Variants in KCNN2 observed in about 807,000 individuals in gnomAD.
KCNN2 encodes the protein small conductance calcium-activated potassium channel protein 2.
A neutral mutation model predicts 55.5 loss-of-function variants in KCNN2; 24 were observed. The observed-to-expected ratio is 0.43, with a 90% CI of 0.31 to 0.61. The LOEUF (loss-of-function observed/expected upper bound fraction) is 0.61, where lower values mean the gene tolerates loss of function less well. Among genes scored for constraint, KCNN2 ranks in the 20% least tolerant of loss-of-function variants. The probability of loss-of-function intolerance (pLI) is 0.08; values close to 1 mark genes in which losing one functional copy is unlikely to be tolerated. For missense variants in KCNN2, 754 were observed against 853.6 expected (o/e 0.88, Z 1.45); for synonymous variants, 431 against 336.1 (o/e 1.28, Z -3.09).
chr5:114,091,361 A>G (rs1375520126), intron 1 of KCNN2, among the ~76,000 whole-genome samples: 1 of 152,182 alleles, frequency 6.6e-6, no homozygotes, highest in Non-Finnish European at 1.5e-5. Context: ...GGGTTCTGTT[A>G]CTAGATATAT....
At chr5:114,263,756 G>A (rs890593738) in intron 2 of KCNN2, among the ~76,000 whole-genome samples, 5 of 152,000 alleles carry the variant, frequency 3.3e-5, no homozygotes, top group Admixed American at 1.3e-4. Flanking sequence ...TTAAGTGATC[G>A]AATACTAAAA....
At chr5:114,391,154 T>G (rs765831008) in intron 2 of KCNN2, among the ~76,000 whole-genome samples, 1 of 152,124 alleles carries the variant, frequency 6.6e-6, no homozygotes, top group Non-Finnish European at 1.5e-5. Context: ...TCTAGAGCTT[T>G]TCCCAATACT....
chr5:114,258,430 C>T (rs1027433426), intron 2 of KCNN2, among the ~76,000 whole-genome samples: 5 of 152,098 alleles, frequency 3.3e-5, no homozygotes, highest in Admixed American at 6.5e-5. Context: ...ACCAGTTCTT[C>T]GTATGTCTGG....
chr5:114,322,132 C>CA (rs1756626400), intron 2 of KCNN2, among the ~76,000 whole-genome samples: 1 of 152,290 alleles, frequency 6.6e-6, no homozygotes, highest in South Asian at 2.1e-4. Flanking sequence ...AACATGAAGA[C>CA]ACCAGTTTAA....
intron 3 of KCNN2, among the ~76,000 whole-genome samples, chr5:114,427,187 C>T (rs1759655342): frequency 6.6e-6 from 1 of 152,216 alleles, no homozygotes; most frequent in Non-Finnish European, 1.5e-5. Flanking sequence ...TGGGACTTCC[C>T]TGACTTCTAG....
chr5:114,268,953 C>A (rs1413000709), intron 2 of KCNN2, among the ~76,000 whole-genome samples: 1 of 151,530 alleles, frequency 6.6e-6, no homozygotes, highest in African/African-American at 2.4e-5. Context: ...TGGGGGGGTT[C>A]TCTGAGGATC....
chr5:114,078,342 C>T lies in KCNN2; in HGVS notation c.-271+21842C>T, dbSNP rs191423705. Among the ~76,000 whole-genome samples the T allele has an allele frequency of 1.1e-4, 16 of 152,306 alleles. No homozygotes were observed. In the East Asian group the frequency reaches 3.1e-3, roughly 29 times the overall value. On this transcript the variant is annotated intron_variant, in intron 1 of 10. Coordinates refer to the KCNN2 transcript ENST00000512097. Reference sequence around the variant, plus strand: ...GAGAGGCTGTCTCATTCTTGTCCTGCTGACACATAAACTAGGGAGCTTTGT... The same window carrying T: ...GAGAGGCTGTCTCATTCTTGTCCTGTTGACACATAAACTAGGGAGCTTTGT...
upstream of KCNN2, among the ~76,000 whole-genome samples, chr5:114,360,687 A>C (rs972897751): frequency 2.6e-5 from 4 of 152,304 alleles, no homozygotes; most frequent in South Asian, 8.3e-4. Flanking sequence ...TGAGACACCA[A>C]ATGCAATTTT....
chr5:114,360,665 A>G (rs1488881928), upstream of KCNN2, among the ~76,000 whole-genome samples: 1 of 152,236 alleles, frequency 6.6e-6, no homozygotes, highest in Non-Finnish European at 1.5e-5. Context: ...AGAAGACAGC[A>G]CAGGGAATTT....
intron 1 of KCNN2, among the ~76,000 whole-genome samples, chr5:114,079,844 TGAGAGAGAGA>T (rs370135875): frequency 6.7e-6 from 1 of 149,446 alleles, no homozygotes; most frequent in African/African-American, 2.5e-5. Flanking sequence ...TGTGTGTGTG[TGAGAGAGAGA>T]GAGAGAGAGA....
At chr5:114,468,416 T>C (rs1761555613) in intron 4 of KCNN2, among the ~76,000 whole-genome samples, 1 of 152,184 alleles carries the variant, frequency 6.6e-6, no homozygotes, top group Non-Finnish European at 1.5e-5. Flanking sequence ...TGTTCAAGTA[T>C]TTGTTTTACC....
rs74356996 is a variant in KCNN2 at position 114,305,514 on chromosome 5, C to G, written c.-184-55431C>G. 1.2e-4 allele frequency among the ~76,000 whole-genome samples: 19 copies of G among 152,300 alleles called. No homozygotes were observed. The East Asian group carries it at 3.3e-3, about 26-fold the overall frequency. On this transcript the variant is annotated intron_variant, in intron 2 of 10. Coordinates refer to the KCNN2 transcript ENST00000512097. ...GGAGTCAGGGCATCAGGAGCTTGCT[C>G]ACCTTCAGGGTAGCACAGAGCCTGA...
chr5:114,307,563 A>G (rs898129476), intron 2 of KCNN2, among the ~76,000 whole-genome samples: 1 of 152,204 alleles, frequency 6.6e-6, no homozygotes, highest in Non-Finnish European at 1.5e-5. Flanking sequence ...CTCTTATAGT[A>G]AACTGTGTCC....
chr5:114,449,908 A>ACACACGCGCGCGCG (rs1309590184), intron 3 of KCNN2, among the ~76,000 whole-genome samples: 8 of 66,120 alleles, frequency 1.2e-4, no homozygotes, highest in African/African-American at 2.4e-4. Flanking sequence ...ACACACACAC[A>ACACACGCGCGCGCG]CGCGCGCGCT....
At position 114,386,393 on chromosome 5, in the gene KCNN2, A is replaced by C. The variant is rs542167641; in HGVS notation, c.1219-18045A>C. 7.7e-4 allele frequency among the ~76,000 whole-genome samples: 110 copies of C among 143,602 alleles called. 1 individual carries two copies. Among genetic ancestry groups the C allele is most frequent in the African/African-American group, 2.5e-3 (83 of 33,620 alleles). 94.2% of individuals were successfully genotyped at this position (143,602 alleles called of 152,430 possible). ...AGGGGCTGGTATATGATATAAGCAG[A>C]AAAAACAATTGTTCAATTAAATTTG... On this transcript the variant is annotated intron_variant, in intron 2 of 7. Transcript: ENST00000673685.
intron 1 of KCNN2, among the ~76,000 whole-genome samples, chr5:114,099,429 A>G (rs943450998): frequency 6.6e-6 from 1 of 152,146 alleles, no homozygotes. Context: ...AGTCCTAGCA[A>G]CTACATTGAG....
intron 2 of KCNN2, among the ~76,000 whole-genome samples, chr5:114,323,238 G>A (rs1243005531): frequency 1.3e-5 from 2 of 152,214 alleles, no homozygotes; most frequent in Non-Finnish European, 2.9e-5. Flanking sequence ...GTGGTTAAGA[G>A]CATCGTCTCT....
intron 2 of KCNN2, among the ~76,000 whole-genome samples, chr5:114,351,152 T>C (rs1757197519): frequency 6.6e-6 from 1 of 151,828 alleles, no homozygotes; most frequent in South Asian, 2.1e-4. Context: ...ACTTTCAGAG[T>C]ATCAGTTTTG....
intron 1 of KCNN2, among the ~76,000 whole-genome samples, chr5:114,216,833 T>G (rs1215006463): frequency 6.6e-6 from 1 of 152,112 alleles, no homozygotes; most frequent in African/African-American, 2.4e-5. Flanking sequence ...AATACTGTCT[T>G]TGTTCACAGA....
Sources: gnomAD v4.1 joint callset for allele counts (sites outside exome capture counted in the v4.1 genomes callset) on GRCh38, gnomAD v4.1.1 for gene constraint, MANE v1.5 for transcripts, NCBI Gene and HGNC (gene_info 2026-07-23, HGNC 2026-07-21) for gene names.